PARP6: variants seen among roughly 807,000 people sequenced by gnomAD.
PARP6 encodes poly(ADP-ribose) polymerase family member 6.
A neutral mutation model predicts 92.0 loss-of-function variants in PARP6; 27 were observed. The ratio of observed to expected loss-of-function variants is 0.29; its 90% CI spans 0.22 to 0.40. The LOEUF (loss-of-function observed/expected upper bound fraction) is 0.40. PARP6 is among the 10% of genes least tolerant of loss of function. The pLI, the probability that PARP6 is intolerant of heterozygous loss-of-function variation, is 1.00. For synonymous variants in PARP6, 272 were observed against 281.2 expected (o/e 0.97, Z 0.33); for missense variants, 501 against 784.5 (o/e 0.64, Z 4.32).
intron 16 of PARP6, 112 bp downstream of exon 16, chr15:72,253,325 C>A: frequency 1.3e-6 from 1 of 786,350 alleles, no homozygotes. Context: ...CCATTACTGC[C>A]TATAACCTTG....
chr15:72,263,122 C>T (rs1333033679), intron 8 of PARP6, among the ~76,000 whole-genome samples: 5 of 152,188 alleles, frequency 3.3e-5, no homozygotes, highest in Non-Finnish European at 5.9e-5. Context: ...TACCTATCAT[C>T]ATCCTACAAA....
Position 72,256,659 on chromosome 15 carries a change from A to G in PARP6, c.1000-69T>C. ...CCCAGTACTGGGAGTCAGAGTACCC[A>G]GTATTTCTCTCTGATGTTCTTTTAA... On this transcript the variant is annotated intron_variant, in intron 13 of 23. Coordinates refer to ENST00000569795, the MANE Select transcript of PARP6 (RefSeq NM_001323532.2). The G allele has an allele frequency of 1.6e-5, 20 of 1,263,490 alleles. No individual in the cohort carries two copies. In the South Asian group the frequency reaches 4.3e-4, roughly 27 times the overall value. 78.3% of individuals were successfully genotyped at this position (1,263,490 alleles called of 1,614,324 possible).
At chr15:72,259,340 T>C (rs946518507) in intron 11 of PARP6, among the ~76,000 whole-genome samples, 2 of 152,222 alleles carry the variant, frequency 1.3e-5, no homozygotes, top group Admixed American at 1.3e-4. Flanking sequence ...TCAATCTCAT[T>C]CTCATCTCAT....
chr15:72,263,713 ATC>A (rs1242518997), intron 8 of PARP6, among the ~76,000 whole-genome samples: 2 of 152,106 alleles, frequency 1.3e-5, no homozygotes, highest in Admixed American at 6.6e-5. Flanking sequence ...GACAACTCTT[ATC>A]CATCCTTGAA....
chr15:72,269,224 G>T (rs1004949151), intron 2 of PARP6, among the ~76,000 whole-genome samples: 1 of 152,040 alleles, frequency 6.6e-6, no homozygotes, highest in Admixed American at 6.6e-5. Flanking sequence ...GCAATGGTGC[G>T]ATCTCGGCTC....
intron 13 of PARP6, 108 bp downstream of exon 13, chr15:72,257,240 A>T (rs2085262148): frequency 1.3e-6 from 1 of 783,648 alleles, no homozygotes; most frequent in Non-Finnish European, 2.3e-6. Flanking sequence ...TACAGTGGTT[A>T]TCTTATATAC....
chr15:72,265,602 G>C, intron 5 of PARP6, 129 bp from the exon 6 acceptor site: 1 of 756,032 alleles, frequency 1.3e-6, no homozygotes, highest in East Asian at 2.6e-5. Context: ...TTTGTACCTA[G>C]GGTCTTAGCT....
intron 5 of PARP6, 100 bp from the exon 6 acceptor site, chr15:72,265,573 G>C (rs1233789253): frequency 3.3e-6 from 3 of 915,496 alleles, no homozygotes; most frequent in Non-Finnish European, 5.4e-6. Flanking sequence ...ACAGGGGAAA[G>C]GGAAGAGTGG....
intron 16 of PARP6, among the ~76,000 whole-genome samples, chr15:72,252,752 T>C (rs1019849133): frequency 4.6e-5 from 7 of 152,296 alleles, no homozygotes; most frequent in Middle Eastern, 3.4e-3. Context: ...CCCAAAGTAT[T>C]GGGATCACAG....
intron 2 of PARP6, among the ~76,000 whole-genome samples, chr15:72,269,568 C>T (rs1034099642): frequency 1.3e-5 from 2 of 152,068 alleles, no homozygotes; most frequent in Admixed American, 6.6e-5. Context: ...GTTAGAAATG[C>T]AAATTCTCAG....
At chr15:72,258,730 T>C (rs2085459707) in intron 11 of PARP6, among the ~76,000 whole-genome samples, 1 of 152,110 alleles carries the variant, frequency 6.6e-6, no homozygotes, top group African/African-American at 2.4e-5. Context: ...GCGTTTTTTT[T>C]GTTGTTGTTG....
At position 72,256,352 on chromosome 15, in the gene PARP6, T is replaced by A; in HGVS notation, c.1125+113A>T. 3.6e-6 allele frequency: 3 copies of A among 824,872 alleles called. No homozygotes were observed. In the East Asian group the frequency reaches 9.6e-5, roughly 26 times the overall value. The allele number at this position is 824,872 out of a possible 1,614,324, so 51.1% of individuals were successfully genotyped here. A position where few individuals can be genotyped will look rare whatever the true frequency, so the allele number is the denominator to read the frequency against. On this transcript the variant is annotated intron_variant, in intron 14 of 23. Transcript: ENST00000569795. Reference sequence around the variant, plus strand: ...ACTGAAACAGCTAAATCACAGAGTTTAAGAATTCTGTCCCTTATTCCAAGC... The same window carrying A: ...ACTGAAACAGCTAAATCACAGAGTTAAAGAATTCTGTCCCTTATTCCAAGC...
At chr15:72,252,163 C>T (rs563214442) in intron 16 of PARP6, among the ~76,000 whole-genome samples, 1 of 152,154 alleles carries the variant, frequency 6.6e-6, no homozygotes, top group Non-Finnish European at 1.5e-5. Flanking sequence ...AGCAATAGTG[C>T]CTCAAGGCTC....
intron 2 of PARP6, among the ~76,000 whole-genome samples, chr15:72,270,006 A>G (rs1163747421): frequency 6.6e-6 from 1 of 152,158 alleles, no homozygotes; most frequent in African/African-American, 2.4e-5. Flanking sequence ...ATAAAATTTG[A>G]GAACCACTGT....
At chr15:72,255,455 TG>T (rs2084947011) in intron 14 of PARP6, among the ~76,000 whole-genome samples, 1 of 151,936 alleles carries the variant, frequency 6.6e-6, no homozygotes, top group Non-Finnish European at 1.5e-5. Context: ...GGTTTCACCA[TG>T]TTGGCCAGGC....
Position 72,242,965 on chromosome 15 carries a change from C to A in PARP6, c.1562-266G>T. ...GCCTAGCCTAAGAGTTTAAAGAAGT[C>A]ATGTGGTGACAGCTAGACTGAGAAC... On this transcript the variant is annotated intron_variant, in intron 20 of 23. Transcript: ENST00000569795. The surrounding 1 kb of genome is among the most constrained non-coding windows in gnomAD (Gnocchi z 4.3). 1 of 436,476 alleles carries A rather than the reference C, an allele frequency of 2.3e-6. No individual in the cohort carries two copies. Among genetic ancestry groups the A allele is most frequent in the Non-Finnish European group, 4.1e-6 (1 of 246,728 alleles). The allele number at this position is 436,476 out of a possible 1,614,324, so 27.0% of individuals were successfully genotyped here.
intron 13 of PARP6, 113 bp downstream of exon 13, chr15:72,257,235 T>C (rs1015540562): frequency 1.3e-6 from 1 of 752,678 alleles, no homozygotes; most frequent in African/African-American, 1.7e-5. Context: ...AATACTACAG[T>C]GGTTATCTTA....
In PARP6 at chr15:72,266,781, T is replaced by C. The variant is rs1265867807; in HGVS notation, c.45A>G (p.Gly15=). The C allele has an allele frequency of 6.2e-7, 1 of 1,614,008 alleles. No homozygotes were observed. The highest frequency in any genetic ancestry group is 1.7e-5 in the Admixed American group (1 of 60,016). The change falls in exon 4 of 24, where the codon GGA becomes GGG. Residue 15 remains glycine, a synonymous_variant. Transcript: ENST00000569795. ...GQFWNDDDSE[G]DNESEEFLYG... The stretch of plus-strand genomic sequence containing the variant: ...AGAGAAATTCCTCTGATTCATTATC[T>C]CCCTCCGAGTCGTCATCATTCCAGA...
chr15:72,250,239 C>T (rs2084171871), intron 18 of PARP6, 147 bp from the exon 19 acceptor site: 1 of 642,018 alleles, frequency 1.6e-6, no homozygotes, highest in Non-Finnish European at 2.9e-6. Flanking sequence ...TGGATACAGT[C>T]ACAGGCATGC....
Sources: allele counts gnomAD v4.1 joint callset (sites outside exome capture counted in the v4.1 genomes callset), GRCh38; gene constraint gnomAD v4.1.1; non-coding constraint Gnocchi (gnomAD v3.1); transcripts MANE v1.5; gene names NCBI Gene and HGNC (gene_info 2026-07-23, HGNC 2026-07-21).